The following GAREM1 variants were observed in gnomAD, a reference collection of about 807,000 sequenced individuals.
GAREM1 encodes GRB2 associated regulator of MAPK1 subtype 1, also known as GRB2-associated and regulator of MAPK protein 1.
Under a neutral mutation model 71.3 loss-of-function variants are expected in GAREM1, and 26 were observed. The observed-to-expected ratio is 0.36, with a 90% CI of 0.27 to 0.51. The LOEUF (loss-of-function observed/expected upper bound fraction) is 0.51. GAREM1 is among the 20% of genes least tolerant of loss of function. The pLI is 0.95. For synonymous variants in GAREM1, 440 were observed against 433.2 expected, an observed-to-expected ratio of 1.02 and a Z score of -0.20; for missense variants, 1,026 against 1,103.1, an observed-to-expected ratio of 0.93 and a Z score of 0.99.
intron 1 of GAREM1, among the ~76,000 whole-genome samples, chr18:32,397,392 T>C (rs1217522910): frequency 3.3e-5 from 5 of 152,186 alleles, no homozygotes; most frequent in Admixed American, 6.5e-5. Flanking sequence ...ATCAGTGTGC[T>C]GTATACAGGA....
At chr18:32,412,228 C>A in intron 1 of GAREM1, 3 of 1,573,140 alleles carry the variant, frequency 1.9e-6, no homozygotes, top group South Asian at 1.1e-5. Flanking sequence ...AATCTTCTGC[C>A]ACTGACACAG....
chr18:32,453,709 C>CA (rs2048862935), intron 1 of GAREM1, among the ~76,000 whole-genome samples: 1 of 152,158 alleles, frequency 6.6e-6, no homozygotes, highest in African/African-American at 2.4e-5. Context: ...GATCTTTTCT[C>CA]AAAAGAAAGT....
intron 3 of GAREM1, among the ~76,000 whole-genome samples, chr18:32,303,515 G>C (rs1397328698): frequency 6.6e-6 from 1 of 152,126 alleles, no homozygotes; most frequent in Admixed American, 6.5e-5. Flanking sequence ...AGTGTAGTAA[G>C]GTCTCCAAAA....
At chr18:32,359,633 G>C (rs1020707982) in intron 2 of GAREM1, among the ~76,000 whole-genome samples, 1 of 151,960 alleles carries the variant, frequency 6.6e-6, no homozygotes, top group African/African-American at 2.4e-5. Context: ...TATGGTTGAG[G>C]ACATCATGTG....
chr18:32,383,135 C>T (rs1421644170), intron 2 of GAREM1, among the ~76,000 whole-genome samples: 1 of 152,136 alleles, frequency 6.6e-6, no homozygotes, highest in African/African-American at 2.4e-5. Flanking sequence ...AGGGACAAAC[C>T]CTACGGTGTT....
rs1568018903 is a variant in GAREM1 at position 32,457,220 on chromosome 18, A to ATGTGTGTGTGT, written c.121+13087_121+13088insACACACACACA. Among the ~76,000 whole-genome samples the ATGTGTGTGTGT allele has an allele frequency of 8.2e-5, 9 of 109,398 alleles. 1 individual carries two copies. Among genetic ancestry groups the ATGTGTGTGTGT allele is most frequent in the African/African-American group, 3.2e-4 (9 of 28,284 alleles). 71.8% of individuals were successfully genotyped at this position (109,398 alleles called of 152,430 possible). A position where few individuals can be genotyped will look rare whatever the true frequency, so the allele number is the denominator to read the frequency against. ...TGTGTAGGGGGGGAGAGAGAGAGAG[A>ATGTGTGTGTGT]GAGAGAGTGTGTGTGTGTGTGTGTG... On this transcript the variant is annotated intron_variant, in intron 1 of 5. Transcript: ENST00000269209.
intron 2 of GAREM1, among the ~76,000 whole-genome samples, chr18:32,337,319 C>T (rs1445263688): frequency 6.6e-6 from 1 of 152,202 alleles, no homozygotes; most frequent in Admixed American, 6.5e-5. Context: ...TAAACGTCAT[C>T]CTGGCAAAAC....
At chr18:32,286,068 C>T (rs2047014387) in intron 4 of GAREM1, among the ~76,000 whole-genome samples, 1 of 152,144 alleles carries the variant, frequency 6.6e-6, no homozygotes, top group African/African-American at 2.4e-5. Context: ...GTAATAGATA[C>T]TGTCAAATAA....
chr18:32,335,933 A>ACTTACAG (rs2047587452), intron 2 of GAREM1, among the ~76,000 whole-genome samples: 1 of 152,192 alleles, frequency 6.6e-6, no homozygotes, highest in South Asian at 2.1e-4. Context: ...CAGAGTGACC[A>ACTTACAG]TGGGAGCAAC....
intron 2 of GAREM1, among the ~76,000 whole-genome samples, chr18:32,371,715 T>C (rs1306459234): frequency 6.6e-6 from 1 of 152,076 alleles, no homozygotes; most frequent in African/African-American, 2.4e-5. Flanking sequence ...GTACTCTGGA[T>C]GATACCAAGT....
chr18:32,372,455 T>C (rs1026449414), intron 2 of GAREM1, among the ~76,000 whole-genome samples: 10 of 152,218 alleles, frequency 6.6e-5, no homozygotes, highest in African/African-American at 2.4e-4. Context: ...TGTTAAAAAT[T>C]ACCCACTTGA....
At position 32,287,127 on chromosome 18, in the gene GAREM1, C is replaced by A. The variant is rs374446080; in HGVS notation, c.1470G>T (p.Ala490=). 1.1e-5 allele frequency: 17 copies of A among 1,614,064 alleles called. No homozygotes were observed. The highest frequency in any genetic ancestry group is 1.4e-5 in the Non-Finnish European group (17 of 1,180,032). Residue 490 remains alanine, a synonymous_variant, in exon 4 of 6, where the codon GCG becomes GCT. Transcript: ENST00000269209. The surrounding 1 kb of genome is among the most constrained non-coding windows in gnomAD (Gnocchi z 5.9). ...QFRGSVRSKC[A]TSPLPIPGTL... is the part of the protein sequence containing the mutation. ...TCCCAGGGATGGGAAGAGGAGAAGTCGCACATTTGGATCGGACAGAACCTC... is the reference window on the plus strand; with the variant it reads ...TCCCAGGGATGGGAAGAGGAGAAGTAGCACATTTGGATCGGACAGAACCTC...
chr18:32,466,026 G>A (rs1177663083), intron 1 of GAREM1, among the ~76,000 whole-genome samples: 2 of 152,106 alleles, frequency 1.3e-5, no homozygotes, highest in Non-Finnish European at 2.9e-5. Context: ...CGTGTTGCAG[G>A]GTTAAAGTCT....
chr18:32,384,331 A>G (rs1489490029), intron 2 of GAREM1, among the ~76,000 whole-genome samples: 1 of 152,190 alleles, frequency 6.6e-6, no homozygotes. Context: ...ATGAACTTTC[A>G]CCCCTAGAAA....
At chr18:32,360,153 A>G (rs748154350) in intron 2 of GAREM1, among the ~76,000 whole-genome samples, 16 of 151,774 alleles carry the variant, frequency 1.1e-4, no homozygotes, top group Non-Finnish European at 2.2e-4. Flanking sequence ...CCCTTCAGCC[A>G]TCCAATCATT....
chr18:32,279,866 G>C (rs2144441888), intron 4 of GAREM1, among the ~76,000 whole-genome samples: 1 of 152,078 alleles, frequency 6.6e-6, no homozygotes, highest in African/African-American at 2.4e-5. Context: ...ACAAATCTTG[G>C]CCTAGAAGCT....
intron 3 of GAREM1, among the ~76,000 whole-genome samples, chr18:32,299,954 GTCTC>G (rs1020445957): frequency 6.6e-6 from 1 of 152,140 alleles, no homozygotes; most frequent in Non-Finnish European, 1.5e-5. Context: ...AGGGCTTATG[GTCTC>G]TCTATATAAA....
At chr18:32,366,335 G>C (rs973196373) in intron 2 of GAREM1, among the ~76,000 whole-genome samples, 1 of 152,068 alleles carries the variant, frequency 6.6e-6, no homozygotes, top group Admixed American at 6.5e-5. Context: ...CTCCTTTCAG[G>C]CAGGCTTATG....
intron 1 of GAREM1, among the ~76,000 whole-genome samples, chr18:32,393,988 T>C (rs1044061859): frequency 3.3e-5 from 5 of 152,256 alleles, no homozygotes; most frequent in African/African-American, 1.2e-4. Context: ...AATGGCATTT[T>C]AGATCTCTCA....
Sources: allele counts gnomAD v4.1 joint callset (sites outside exome capture counted in the v4.1 genomes callset), GRCh38; gene constraint gnomAD v4.1.1; non-coding constraint Gnocchi (gnomAD v3.1); transcripts MANE v1.5; gene names NCBI Gene and HGNC (gene_info 2026-07-23, HGNC 2026-07-21).